RIMS2: variants seen among roughly 807,000 people sequenced by gnomAD.
RIMS2 encodes the protein regulating synaptic membrane exocytosis 2, also known as regulating synaptic membrane exocytosis protein 2.
Under a neutral mutation model 174.4 loss-of-function variants are expected in RIMS2, and 59 were observed. The ratio of observed to expected loss-of-function variants is 0.34; its 90% CI spans 0.27 to 0.42. The LOEUF is 0.42. Among genes scored for constraint, RIMS2 ranks in the 10% least tolerant of loss-of-function variants. The probability of loss-of-function intolerance (pLI) is 1.00; values close to 1 mark genes in which losing one functional copy is unlikely to be tolerated. For synonymous variants in RIMS2, 606 were observed against 572.5 expected (o/e 1.06, Z -0.84); for missense variants, 1,620 against 1,666.3 (o/e 0.97, Z 0.48).
At chr8:103,910,268 C>G (rs2154527023) in intron 5 of RIMS2, 53 bp from the exon 8 acceptor site, 1 of 1,491,100 alleles carries the variant, frequency 6.7e-7, no homozygotes, top group African/African-American at 1.4e-5. Context: ...TTATTTACAC[C>G]TTTGCATGTT....
At chr8:104,021,661 T>A (rs931639200) in intron 19 of RIMS2, among the ~76,000 whole-genome samples, 18 of 152,214 alleles carry the variant, frequency 1.2e-4, no homozygotes, top group African/African-American at 3.9e-4. Context: ...TGACTTCTAG[T>A]TGGCCCTGAA....
chr8:103,907,540 T>A (rs954448286), intron 4 of RIMS2, among the ~76,000 whole-genome samples: 3 of 151,950 alleles, frequency 2.0e-5, no homozygotes, highest in Admixed American at 2.0e-4. Flanking sequence ...TTTCTCTGCA[T>A]GCTGTTTCTG....
intron 2 of RIMS2, among the ~76,000 whole-genome samples, chr8:103,708,668 C>T (rs1470387556): frequency 1.3e-5 from 2 of 152,164 alleles, no homozygotes; most frequent in Admixed American, 1.3e-4. Context: ...TTCACTGTTT[C>T]CATTGAGAAA....
At chr8:104,201,129 C>T (rs1430942916) in intron 19 of RIMS2, among the ~76,000 whole-genome samples, 1 of 152,090 alleles carries the variant, frequency 6.6e-6, no homozygotes, top group Non-Finnish European at 1.5e-5. Context: ...TCTCCCTCCT[C>T]CCACCCTCTC....
intron 3 of RIMS2, among the ~76,000 whole-genome samples, chr8:103,796,798 T>C (rs975109696): frequency 6.6e-6 from 1 of 152,172 alleles, no homozygotes; most frequent in African/African-American, 2.4e-5. Flanking sequence ...ATAACTAGTA[T>C]GTTGGATAAG....
intron 17 of RIMS2, among the ~76,000 whole-genome samples, chr8:104,010,958 T>G (rs1035432069): frequency 6.6e-6 from 1 of 152,164 alleles, no homozygotes; most frequent in African/African-American, 2.4e-5. Context: ...TTTTAAGCCT[T>G]GCAAGTATTT....
intron 3 of RIMS2, among the ~76,000 whole-genome samples, chr8:103,817,939 G>A (rs898188126): frequency 3.9e-5 from 6 of 151,948 alleles, no homozygotes; most frequent in Admixed American, 1.3e-4. Flanking sequence ...AGGTATGTAT[G>A]TGTGTTTGAC....
At chr8:104,126,118 A>C (rs1030942228) in intron 19 of RIMS2, among the ~76,000 whole-genome samples, 1 of 152,166 alleles carries the variant, frequency 6.6e-6, no homozygotes, top group African/African-American at 2.4e-5. Flanking sequence ...GTTTCATGGA[A>C]GAAACCGGTT....
At chr8:104,029,164 T>A (rs977845040) in intron 19 of RIMS2, among the ~76,000 whole-genome samples, 11 of 152,284 alleles carry the variant, frequency 7.2e-5, no homozygotes, top group Admixed American at 1.3e-4. Flanking sequence ...AACTAGCATA[T>A]GAACCGTGAG....
intron 1 of RIMS2, among the ~76,000 whole-genome samples, chr8:103,581,710 T>G (rs2093628435): frequency 1.3e-5 from 2 of 152,170 alleles, no homozygotes; most frequent in African/African-American, 4.8e-5. Flanking sequence ...TGACATGATC[T>G]TATACTTAGA....
intron 19 of RIMS2, among the ~76,000 whole-genome samples, chr8:104,176,584 G>A (rs1323429853): frequency 6.6e-6 from 1 of 151,842 alleles, no homozygotes. Flanking sequence ...GGAGAGTCAA[G>A]CTAAGCCGTT....
chr8:103,563,119 C>T (rs1407150396), intron 1 of RIMS2, among the ~76,000 whole-genome samples: 4 of 152,216 alleles, frequency 2.6e-5, no homozygotes, highest in African/African-American at 7.2e-5. Flanking sequence ...GCCCTGGAGA[C>T]ATTTTCTCCA....
chr8:103,782,450 G>GTT (rs954817795), intron 3 of RIMS2, among the ~76,000 whole-genome samples: 5 of 151,814 alleles, frequency 3.3e-5, no homozygotes, highest in Non-Finnish European at 5.9e-5. Context: ...GTGTGTGTGT[G>GTT]TGTGTGTGTG....
At chr8:103,695,472 T>G (rs1305206251) in intron 1 of RIMS2, among the ~76,000 whole-genome samples, 1 of 151,986 alleles carries the variant, frequency 6.6e-6, no homozygotes, top group Non-Finnish European at 1.5e-5. Context: ...CATTTTATTT[T>G]TAATATGAGC....
chr8:103,814,414 T>TA (rs1344241214), intron 3 of RIMS2, among the ~76,000 whole-genome samples: 1 of 149,438 alleles, frequency 6.7e-6, no homozygotes, highest in African/African-American at 2.5e-5. Flanking sequence ...AAATAAAAGT[T>TA]AAAAAAACTA....
chr8:103,746,337 A>T (rs1212565510), intron 2 of RIMS2, among the ~76,000 whole-genome samples: 1 of 152,106 alleles, frequency 6.6e-6, no homozygotes, highest in Admixed American at 6.5e-5. Context: ...AGTCATTATA[A>T]CTGTAGCTTT....
At chr8:103,931,514 A>G (rs987801793) in intron 12 of RIMS2, 121 bp downstream of exon 14, 22 of 605,292 alleles carry the variant, frequency 3.6e-5, no homozygotes, top group Non-Finnish European at 5.8e-5. Flanking sequence ...GAAGTTTAAC[A>G]TAAACGTGAT....
At chr8:104,084,008 A>G (rs1413440202) in intron 19 of RIMS2, among the ~76,000 whole-genome samples, 1 of 152,166 alleles carries the variant, frequency 6.6e-6, no homozygotes, top group African/African-American at 2.4e-5. Context: ...TGAAAAAGAA[A>G]ACTATAAGAT....
chr8:103,586,420 A>G (rs192922104), intron 1 of RIMS2, among the ~76,000 whole-genome samples: 119 of 152,310 alleles, frequency 7.8e-4, no homozygotes, highest in African/African-American at 2.7e-3. Context: ...AGTGGAATAA[A>G]ACTAGAAATT....
Sources: allele counts gnomAD v4.1 joint callset (sites outside exome capture counted in the v4.1 genomes callset), GRCh38; gene constraint gnomAD v4.1.1; transcripts MANE v1.5; gene names NCBI Gene and HGNC (gene_info 2026-07-23, HGNC 2026-07-21).